The following SIM1 variants were observed in gnomAD, a reference collection of about 807,000 sequenced individuals.
SIM1 encodes SIM bHLH transcription factor 1, also known as single-minded homolog 1.
Under a neutral mutation model 78.2 loss-of-function variants are expected in SIM1, and 18 were observed. That is an observed-to-expected ratio of 0.23 (90% confidence interval 0.16 to 0.34). The LOEUF is 0.34. SIM1 is among the 10% of genes least tolerant of loss of function. SIM1 has a pLI of 1.00. For missense variants in SIM1, 939 were observed against 975.1 expected (o/e 0.96, Z 0.49); for synonymous variants, 417 against 385.2 (o/e 1.08, Z -0.97).
At chr6:100,449,215 G>T (rs1215290617) in intron 6 of SIM1, 148 bp downstream of exon 6, 5 of 640,634 alleles carry the variant, frequency 7.8e-6, no homozygotes, top group Non-Finnish European at 1.4e-5. Flanking sequence ...CGTGGCCCTC[G>T]TGGAGAGTCC....
At chr6:100,443,542 T>C (rs1772270404) in intron 9 of SIM1, among the ~76,000 whole-genome samples, 1 of 152,120 alleles carries the variant, frequency 6.6e-6, no homozygotes. Flanking sequence ...GAAAGTCTCC[T>C]CACAAAATAT....
Position 100,453,644 on chromosome 6 carries a change from T to TG in SIM1, c.258+117dup, listed in dbSNP as rs35003436. On this transcript the variant is annotated intron_variant, in intron 3 of 11. Coordinates refer to ENST00000369208, the MANE Select transcript of SIM1 (RefSeq NM_005068.3). Reference sequence around the variant, plus strand: ...CGTGCAGTCCGGATCCCTGTTTTTGTGGGGGGGGTTGTTTGTTTTTTTTTT... The same window carrying TG: ...CGTGCAGTCCGGATCCCTGTTTTTGTGGGGGGGGGTTGTTTGTTTTTTTTTT... The TG allele has an allele frequency of 0.26, 173,848 of 680,278 alleles. 21,434 individuals are homozygous for TG. The highest frequency in any genetic ancestry group is 0.41 in the East Asian group (13,276 of 32,464). The allele number at this position is 680,278 out of a possible 1,614,324, so 42.1% of individuals were successfully genotyped here. A position where few individuals can be genotyped will look rare whatever the true frequency, so the allele number is the denominator to read the frequency against.
intron 10 of SIM1, among the ~76,000 whole-genome samples, chr6:100,404,909 TAA>T (rs1293431218): frequency 6.6e-6 from 1 of 152,186 alleles, no homozygotes; most frequent in Non-Finnish European, 1.5e-5. Flanking sequence ...AGTCAAATAA[TAA>T]AGTTCATTTC....
Position 100,393,517 on chromosome 6 carries a change from G to C in SIM1, c.1540C>G (p.Pro514Ala). ...ESREAYENSMPHIASVHRIHG... is the reference protein window; with the variant it reads ...ESREAYENSMAHIASVHRIHG... The stretch of plus-strand genomic sequence containing the variant: ...ATCCTGTGGACTGAAGCGATGTGAG[G>C]CATGCTGTTTTCATAGGCTTCTCTG... Residue 514 changes from proline to alanine, a missense_variant, in exon 11 of 12, where the codon CCT becomes GCT. Pro to Ala is a conservative substitution (Grantham distance 27, BLOSUM62 -1). This residue lies in a region of SIM1 where 556 missense variants were observed against 521.9 expected (regional missense o/e 1.07). Transcript: ENST00000369208. 1.3e-6 allele frequency: 2 copies of C among 1,570,010 alleles called. No homozygotes were observed. The highest frequency in any genetic ancestry group is 1.7e-6 in the Non-Finnish European group (2 of 1,154,720).
chr6:100,391,126 C>A (rs1247487136), intron 11 of SIM1, 35 bp from the exon 12 acceptor site: 1 of 1,536,082 alleles, frequency 6.5e-7, no homozygotes, highest in South Asian at 1.3e-5. Flanking sequence ...TAAGTGATCT[C>A]AGAATTCACC....
At chr6:100,455,350 C>T (rs2114550265) in intron 2 of SIM1, among the ~76,000 whole-genome samples, 1 of 152,318 alleles carries the variant, frequency 6.6e-6, no homozygotes, top group Non-Finnish European at 1.5e-5. Flanking sequence ...GGTTTCCTCC[C>T]CGGAGTGACT....
chr6:100,421,781 C>G (rs1431638394), intron 9 of SIM1, among the ~76,000 whole-genome samples: 1 of 152,150 alleles, frequency 6.6e-6, no homozygotes, highest in Non-Finnish European at 1.5e-5. Context: ...TAGACAGCAG[C>G]GAGTCTCATC....
At chr6:100,457,998 C>CTCTT (rs1339761992) in intron 2 of SIM1, among the ~76,000 whole-genome samples, 25 of 103,474 alleles carry the variant, frequency 2.4e-4, no homozygotes, top group African/African-American at 8.8e-4. Flanking sequence ...CGCTGTCTGT[C>CTCTT]TCTCTCTTTC....
chr6:100,412,555 A>G (rs1413473713), intron 10 of SIM1, among the ~76,000 whole-genome samples: 5 of 64,440 alleles, frequency 7.8e-5, no homozygotes, highest in African/African-American at 3.0e-4. Context: ...AGAAAGAAAG[A>G]AAAGAAAGAA....
intron 11 of SIM1, among the ~76,000 whole-genome samples, chr6:100,391,715 C>T (rs1770644063): frequency 6.6e-6 from 1 of 152,090 alleles, no homozygotes; most frequent in African/African-American, 2.4e-5. Context: ...CATCTATTCA[C>T]ATAGATATAT....
chr6:100,420,722 C>A, intron 10 of SIM1, 68 bp downstream of exon 10: 1 of 1,446,584 alleles, frequency 6.9e-7, no homozygotes, highest in Non-Finnish European at 9.7e-7. Context: ...AGTTTTAATA[C>A]TTTCTCAACT....
In SIM1 at chr6:100,390,699, G is replaced by A. The variant is rs925408708; in HGVS notation, c.1963C>T (p.Leu655=). Residue 655 remains leucine, a synonymous_variant, in exon 12 of 12, where the codon CTA becomes TTA. Coordinates refer to ENST00000369208, the MANE Select transcript of SIM1 (RefSeq NM_005068.3). ...GAATTGGGACTACTTATCCGAGATAGTGCGGTGGGACTGTTGTCATAGTCA... is the reference window on the plus strand; with the variant it reads ...GAATTGGGACTACTTATCCGAGATAATGCGGTGGGACTGTTGTCATAGTCA... The part of the protein sequence containing the change: ...ENDYDNSPTA[L]SRISSPNSDR... The A allele has an allele frequency of 3.1e-6, 5 of 1,614,058 alleles. No individual in the cohort carries two copies. In the Admixed American group the frequency reaches 5.0e-5, roughly 16 times the overall value.
intron 11 of SIM1, 30 bp downstream of exon 11, chr6:100,393,457 G>T: frequency 6.7e-7 from 1 of 1,491,540 alleles, no homozygotes; most frequent in South Asian, 1.4e-5. Flanking sequence ...CTAATGCTTG[G>T]AGTTCGGGAA....
At chr6:100,397,757 A>G (rs1402156038) in intron 10 of SIM1, among the ~76,000 whole-genome samples, 1 of 152,162 alleles carries the variant, frequency 6.6e-6, no homozygotes, top group African/African-American at 2.4e-5. Context: ...GAAGGGATAA[A>G]GCATTTACAA....
Position 100,463,080 on chromosome 6 carries a change from G to A in SIM1, c.175+214C>T, listed in dbSNP as rs544765278. On this transcript the variant is annotated intron_variant, in intron 2 of 11. Transcript: ENST00000369208. ...CCAAACATATCTGATGGACTGAAGA[G>A]AAAGTATTGATGGGGAGGTAGAGGG... is the stretch of plus-strand genomic sequence containing the variant. 3.0e-4 allele frequency: 149 copies of A among 492,112 alleles called. 1 individual carries two copies. The East Asian group carries it at 4.3e-3, about 14-fold the overall frequency. The allele number at this position is 492,112 out of a possible 1,614,324, so 30.5% of individuals were successfully genotyped here.
intron 9 of SIM1, among the ~76,000 whole-genome samples, chr6:100,432,368 G>A (rs760693850): frequency 2.6e-5 from 4 of 152,090 alleles, no homozygotes; most frequent in Non-Finnish European, 2.9e-5. Flanking sequence ...AAGCTACTGG[G>A]TGGTGCTGAT....
At chr6:100,456,625 A>T (rs556875746) in intron 2 of SIM1, among the ~76,000 whole-genome samples, 3 of 152,350 alleles carry the variant, frequency 2.0e-5, no homozygotes, top group African/African-American at 4.8e-5. Context: ...ATTTTGGAAG[A>T]TTTCCAAGAA....
At chr6:100,457,141 T>C (rs1772686024) in intron 2 of SIM1, among the ~76,000 whole-genome samples, 1 of 152,206 alleles carries the variant, frequency 6.6e-6, no homozygotes, top group Admixed American at 6.5e-5. Context: ...AAAATATATA[T>C]TACAGACCCG....
chr6:100,458,090 C>T (rs1346411035), intron 2 of SIM1, among the ~76,000 whole-genome samples: 1 of 149,960 alleles, frequency 6.7e-6, no homozygotes, highest in African/African-American at 2.5e-5. Context: ...GGAGCTCCAG[C>T]CCTCGAGTTT....
Sources: gnomAD v4.1 joint callset for allele counts (sites outside exome capture counted in the v4.1 genomes callset) on GRCh38, gnomAD v4.1.1 for gene constraint, gnomAD v4.1.1 regional missense constraint, MANE v1.5 for transcripts, NCBI Gene and HGNC (gene_info 2026-07-23, HGNC 2026-07-21) for gene names.